TENM3: variants seen among roughly 807,000 people sequenced by gnomAD.
TENM3 encodes teneurin transmembrane protein 3.
Under a neutral mutation model 255.1 loss-of-function variants are expected in TENM3, and 63 were observed. That is an observed-to-expected ratio of 0.25 (90% CI 0.20 to 0.30). The LOEUF is 0.30. Among genes scored for constraint, TENM3 ranks in the 10% least tolerant of loss-of-function variants. The probability of loss-of-function intolerance (pLI) is 1.00; values close to 1 mark genes in which losing one functional copy is unlikely to be tolerated. For synonymous variants in TENM3, 1,306 were observed against 1,322.3 expected (o/e 0.99, Z 0.27); for missense variants, 2,929 against 3,461.1 (o/e 0.85, Z 3.86).
In TENM3 at chr4:182,405,443, G is replaced by A. The variant is rs540984553; in HGVS notation, c.511+58514G>A. ...TAGATTGGATGCATGTTGAGTGTAT[G>A]GAACTATGCTAGACACTAAAGGAGA... On this transcript the variant is annotated intron_variant, in intron 3 of 27. Coordinates refer to ENST00000511685, the MANE Select transcript of TENM3 (RefSeq NM_001080477.4). Among the ~76,000 whole-genome samples the A allele has an allele frequency of 6.4e-4, 98 of 152,316 alleles. No homozygotes were observed. In the South Asian group the frequency reaches 6.8e-3, roughly 11 times the overall value.
the TENM3 span, among the ~76,000 whole-genome samples, chr4:181,571,483 G>A: frequency 3.9e-5 from 6 of 152,010 alleles, no homozygotes; most frequent in African/African-American, 9.7e-5. Flanking sequence ...ACTACAGGTA[G>A]TTGCCACCAC....
chr4:182,707,889 G>A (rs1758405849), intron 12 of TENM3: 1 of 152,184 alleles, frequency 6.6e-6, no homozygotes, highest in African/African-American at 2.4e-5. Context: ...CCATGTAGAA[G>A]CCATGTAAAA....
the TENM3 span, among the ~76,000 whole-genome samples, chr4:181,526,199 T>C: frequency 1.3e-5 from 2 of 152,106 alleles, no homozygotes; most frequent in African/African-American, 2.4e-5. Flanking sequence ...TCTTTCAACC[T>C]TCTAAGAAGA....
chr4:182,493,818 G>C (rs1735516327), intron 3 of TENM3, among the ~76,000 whole-genome samples: 1 of 152,182 alleles, frequency 6.6e-6, no homozygotes, highest in South Asian at 2.1e-4. Context: ...TAAAGTTAAT[G>C]ACAATTATTA....
chr4:182,737,018 A>C lies in TENM3; in HGVS notation c.3178A>C (p.Ile1060Leu). The C allele has an allele frequency of 6.2e-7, 1 of 1,613,902 alleles. No individual in the cohort carries two copies. The highest frequency in any genetic ancestry group is 1.3e-5 in the African/African-American group (1 of 75,060). ...PASPNLAYTFIWDKTDAYNQK... is the reference protein window; with the variant it reads ...PASPNLAYTFLWDKTDAYNQK... ...CTCACCAAACTTGGCCTATACTTTC[A>C]TATGGGATAAAACAGATGCATATAA... The change falls in exon 17 of 28, where the codon ATA becomes CTA. Residue 1060 changes from isoleucine to leucine, a missense_variant. This residue lies in a region of TENM3 where 1,608 missense variants were observed against 1,884.4 expected (regional missense o/e 0.85). Coordinates refer to ENST00000511685, the MANE Select transcript of TENM3 (RefSeq NM_001080477.4).
At chr4:182,101,510 T>G in the TENM3 span, among the ~76,000 whole-genome samples, 1 of 152,092 alleles carries the variant, frequency 6.6e-6, no homozygotes, top group Non-Finnish European at 1.5e-5. Context: ...GATCTGAATA[T>G]CAAAACAGTC....
intron 3 of TENM3, among the ~76,000 whole-genome samples, chr4:182,448,423 G>A (rs906404075): frequency 4.6e-5 from 7 of 152,142 alleles, no homozygotes; most frequent in Non-Finnish European, 1.0e-4. Context: ...CAGGCAGCGC[G>A]TCCCGCGAGC....
the TENM3 span, among the ~76,000 whole-genome samples, chr4:181,851,150 G>A: frequency 6.6e-6 from 1 of 152,070 alleles, no homozygotes; most frequent in African/African-American, 2.4e-5. Flanking sequence ...TTATTTCCTG[G>A]CTTTGTTCCT....
At chr4:182,533,594 A>C (rs1739985119) in intron 3 of TENM3, among the ~76,000 whole-genome samples, 1 of 152,054 alleles carries the variant, frequency 6.6e-6, no homozygotes, top group African/African-American at 2.4e-5. Context: ...CACCTGGGAA[A>C]ATTGTTGTTA....
At chr4:182,501,404 C>G (rs1736312988) in intron 3 of TENM3, among the ~76,000 whole-genome samples, 1 of 150,562 alleles carries the variant, frequency 6.6e-6, no homozygotes, top group African/African-American at 2.5e-5. Flanking sequence ...AATCTTATTA[C>G]TACATGACAT....
the TENM3 span, among the ~76,000 whole-genome samples, chr4:181,680,816 T>C: frequency 1.3e-5 from 2 of 152,094 alleles, no homozygotes; most frequent in East Asian, 3.9e-4. Flanking sequence ...CTCAACATTC[T>C]AAATTTCCCA....
chr4:182,768,444 A>C (rs1763902611), intron 22 of TENM3, among the ~76,000 whole-genome samples: 1 of 152,218 alleles, frequency 6.6e-6, no homozygotes, highest in Admixed American at 6.5e-5. Context: ...AAGATGTTTA[A>C]GTAGAAAGGT....
At chr4:182,070,390 G>T in the TENM3 span, among the ~76,000 whole-genome samples, 630 of 152,314 alleles carry the variant, frequency 4.1e-3, 4 homozygotes, top group Middle Eastern at 0.065. Flanking sequence ...AGGCCAAGGT[G>T]GGTGGATCAC....
chr4:181,793,861 T>C, the TENM3 span, among the ~76,000 whole-genome samples: 1 of 152,206 alleles, frequency 6.6e-6, no homozygotes, highest in Non-Finnish European at 1.5e-5. Flanking sequence ...TTGAGTATTT[T>C]TCAGTGTTTT....
At chr4:182,718,268 T>A (rs896270270) in intron 13 of TENM3, among the ~76,000 whole-genome samples, 13 of 152,204 alleles carry the variant, frequency 8.5e-5, no homozygotes, top group African/African-American at 3.1e-4. Context: ...TTAGGTATAT[T>A]CATCTGTTAA....
the TENM3 span, among the ~76,000 whole-genome samples, chr4:181,773,472 G>T: frequency 2.6e-5 from 4 of 152,298 alleles, no homozygotes; most frequent in African/African-American, 9.6e-5. Context: ...GCACCTTAAA[G>T]ACTATCTGCT....
At chr4:182,224,832 G>A (rs2149981319) in intron 1 of TENM3, among the ~76,000 whole-genome samples, 1 of 151,816 alleles carries the variant, frequency 6.6e-6, no homozygotes, top group East Asian at 1.9e-4. Context: ...CGCCTCCCAG[G>A]TTCAAGCAAT....
chr4:181,792,036 G>C, the TENM3 span, among the ~76,000 whole-genome samples: 1 of 152,184 alleles, frequency 6.6e-6, no homozygotes, highest in Non-Finnish European at 1.5e-5. Context: ...TACATGATAA[G>C]TGTTTCTGAG....
At chr4:182,199,749 A>C (rs1754065937) in intron 1 of TENM3, among the ~76,000 whole-genome samples, 1 of 127,230 alleles carries the variant, frequency 7.9e-6, no homozygotes, top group African/African-American at 3.1e-5. Flanking sequence ...TTTTTGAGAC[A>C]GGATCTTGCT....
Sources: allele counts gnomAD v4.1 joint callset (sites outside exome capture counted in the v4.1 genomes callset), GRCh38; gene constraint gnomAD v4.1.1; regional missense constraint gnomAD v4.1.1; transcripts MANE v1.5; gene names NCBI Gene and HGNC (gene_info 2026-07-23, HGNC 2026-07-21).